Variants in RAPGEF4 observed in about 807,000 individuals in gnomAD.
The protein encoded by RAPGEF4 is RAP guanine-nucleotide-exchange factor (GEF) 4.
A neutral mutation model predicts 147.9 loss-of-function variants in RAPGEF4; 66 were observed. The ratio of observed to expected loss-of-function variants is 0.45; its 90% CI spans 0.37 to 0.55. The LOEUF (loss-of-function observed/expected upper bound fraction) is 0.55, where lower values mean the gene tolerates loss of function less well. Ranked by LOEUF, RAPGEF4 falls within the 20% of genes least tolerant of loss-of-function variation. The probability of loss-of-function intolerance (pLI) is 0.00; values close to 1 mark genes in which losing one functional copy is unlikely to be tolerated. For synonymous variants in RAPGEF4, 419 were observed against 442.7 expected (o/e 0.95, Z 0.67); for missense variants, 1,071 against 1,257.3 (o/e 0.85, Z 2.24).
intron 4 of RAPGEF4, among the ~76,000 whole-genome samples, chr2:172,914,113 T>A (rs1269830296): frequency 6.6e-6 from 1 of 152,168 alleles, no homozygotes; most frequent in Non-Finnish European, 1.5e-5. Flanking sequence ...TCCAACAGCA[T>A]CTATTTATCA....
intron 1 of RAPGEF4, among the ~76,000 whole-genome samples, chr2:172,790,968 A>G (rs1685759350): frequency 6.6e-6 from 1 of 152,224 alleles, no homozygotes; most frequent in Non-Finnish European, 1.5e-5. Context: ...TGGGAAGTCC[A>G]GTATCAAGGT....
intron 4 of RAPGEF4, among the ~76,000 whole-genome samples, chr2:172,883,761 G>T (rs867947732): frequency 2.0e-5 from 3 of 152,134 alleles, no homozygotes; most frequent in Middle Eastern, 3.2e-3. Flanking sequence ...TTAAGCCACA[G>T]AATCAACTTG....
At chr2:173,047,367 A>G (rs1020843786) in intron 29 of RAPGEF4, among the ~76,000 whole-genome samples, 9 of 152,220 alleles carry the variant, frequency 5.9e-5, no homozygotes, top group African/African-American at 1.9e-4. Context: ...AGAAGTTAAG[A>G]TGATCACTTA....
intron 28 of RAPGEF4, 67 bp downstream of exon 28, chr2:173,036,279 T>G: frequency 8.4e-7 from 1 of 1,184,238 alleles, no homozygotes; most frequent in Non-Finnish European, 1.3e-6. Context: ...GAACAATACC[T>G]TGATAAGATT....
chr2:172,862,780 T>C (rs1046180320), intron 4 of RAPGEF4, among the ~76,000 whole-genome samples: 1 of 152,160 alleles, frequency 6.6e-6, no homozygotes, highest in African/African-American at 2.4e-5. Flanking sequence ...GGAGAGGAAG[T>C]TTCCTCCTTT....
chr2:172,810,417 G>A (rs1034927139), intron 3 of RAPGEF4, among the ~76,000 whole-genome samples: 4 of 152,240 alleles, frequency 2.6e-5, no homozygotes, highest in Admixed American at 2.6e-4. Flanking sequence ...CCAGTGTGTG[G>A]CCCAGTTCCC....
chr2:172,784,278 G>A (rs1684970668), intron 1 of RAPGEF4, among the ~76,000 whole-genome samples: 1 of 152,154 alleles, frequency 6.6e-6, no homozygotes, highest in African/African-American at 2.4e-5. Context: ...CAGCACTTTG[G>A]GAAGCTGAGG....
intron 10 of RAPGEF4, among the ~76,000 whole-genome samples, chr2:172,981,391 T>C (rs776052545): frequency 6.6e-6 from 1 of 152,214 alleles, no homozygotes; most frequent in Non-Finnish European, 1.5e-5. Context: ...AAAATCCCCA[T>C]GTCCAAGTCA....
intron 4 of RAPGEF4, among the ~76,000 whole-genome samples, chr2:172,907,405 G>C (rs1178292418): frequency 2.0e-5 from 3 of 152,102 alleles, no homozygotes; most frequent in African/African-American, 7.2e-5. Context: ...GTAATTGACA[G>C]GTTAATTTTT....
At chr2:172,872,938 C>T (rs986327984) in intron 4 of RAPGEF4, among the ~76,000 whole-genome samples, 1 of 152,178 alleles carries the variant, frequency 6.6e-6, no homozygotes, top group African/African-American at 2.4e-5. Flanking sequence ...TTCAGGCTTT[C>T]TATGTCTGTG....
At chr2:172,928,233 T>C (rs1208980509) in intron 6 of RAPGEF4, 3 of 454,892 alleles carry the variant, frequency 6.6e-6, no homozygotes, top group African/African-American at 4.0e-5. Context: ...TTGTGAGTTA[T>C]GCATTTTATG....
chr2:173,003,305 G>T (rs375973755), intron 17 of RAPGEF4, among the ~76,000 whole-genome samples: 1 of 152,196 alleles, frequency 6.6e-6, no homozygotes, highest in Admixed American at 6.5e-5. Flanking sequence ...GGCAGGGAGA[G>T]GGGAAGGCAA....
chr2:173,032,215 A>G (rs916053318), intron 26 of RAPGEF4, among the ~76,000 whole-genome samples: 2 of 152,154 alleles, frequency 1.3e-5, no homozygotes, highest in East Asian at 1.9e-4. Context: ...TCTCTGTTGC[A>G]GGACAATTAG....
At chr2:172,799,364 C>A (rs1279208976) in intron 3 of RAPGEF4, among the ~76,000 whole-genome samples, 1 of 152,164 alleles carries the variant, frequency 6.6e-6, no homozygotes, top group Non-Finnish European at 1.5e-5. Flanking sequence ...AGCAGTCAGG[C>A]ACCTGAACAG....
chr2:172,949,081 T>G (rs1423714553), intron 6 of RAPGEF4, among the ~76,000 whole-genome samples: 1 of 152,194 alleles, frequency 6.6e-6, no homozygotes, highest in East Asian at 1.9e-4. Flanking sequence ...CACAAATTAA[T>G]TTCCAACATC....
intron 6 of RAPGEF4, among the ~76,000 whole-genome samples, chr2:172,947,602 C>T (rs1687802149): frequency 6.6e-6 from 1 of 152,048 alleles, no homozygotes; most frequent in Non-Finnish European, 1.5e-5. Context: ...CGAGTCATTC[C>T]TAAAGGAAAA....
At chr2:172,755,996 T>C (rs1383523697) in intron 1 of RAPGEF4, among the ~76,000 whole-genome samples, 2 of 152,126 alleles carry the variant, frequency 1.3e-5, no homozygotes, top group Non-Finnish European at 2.9e-5. Context: ...CAAGACTCCC[T>C]CTCGCCAGCA....
intron 1 of RAPGEF4, among the ~76,000 whole-genome samples, chr2:172,747,595 A>G (rs568105848): frequency 6.6e-6 from 1 of 152,288 alleles, no homozygotes; most frequent in African/African-American, 2.4e-5. Context: ...CTTCCCAAGT[A>G]GCTGGGACTA....
At chr2:172,889,183 T>C (rs375522614) in intron 4 of RAPGEF4, among the ~76,000 whole-genome samples, 2 of 152,324 alleles carry the variant, frequency 1.3e-5, no homozygotes, top group East Asian at 1.9e-4. Context: ...TATGAAATTA[T>C]GTTTTAAGAG....
Sources: allele counts gnomAD v4.1 joint callset (sites outside exome capture counted in the v4.1 genomes callset), GRCh38; gene constraint gnomAD v4.1.1; transcripts MANE v1.5; gene names NCBI Gene and HGNC (gene_info 2026-07-23, HGNC 2026-07-21).